The following SPG11 variants were observed in gnomAD, a reference collection of about 807,000 sequenced individuals.
SPG11 encodes spatacsin.
In SPG11, 222 loss-of-function variants were observed where a neutral mutation model predicts 274.0. The ratio of observed to expected loss-of-function variants is 0.81; its 90% CI spans 0.73 to 0.91. SPG11 has a LOEUF of 0.91. SPG11 is among the 40% of genes least tolerant of loss of function. SPG11 has a pLI of 0.00. For missense variants in SPG11, 3,114 were observed against 2,872.7 expected, an observed-to-expected ratio of 1.08 and a Z score of -1.92; for synonymous variants, 1,144 against 1,039.7, an observed-to-expected ratio of 1.10 and a Z score of -1.93.
At chr15:44,608,926 A>G (rs939755143) in intron 18 of SPG11, among the ~76,000 whole-genome samples, 10 of 152,134 alleles carry the variant, frequency 6.6e-5, no homozygotes, top group Admixed American at 4.6e-4. Flanking sequence ...TAATTCAATA[A>G]TATATATTTT....
chr15:44,593,979 A>G (rs1489851124), intron 26 of SPG11, among the ~76,000 whole-genome samples: 1 of 145,038 alleles, frequency 6.9e-6, no homozygotes, highest in Non-Finnish European at 1.5e-5. Flanking sequence ...CATGTTGGCC[A>G]GGCTCATCAC....
intron 7 of SPG11, among the ~76,000 whole-genome samples, chr15:44,637,031 T>C (rs796627177): frequency 6.6e-6 from 1 of 151,660 alleles, no homozygotes; most frequent in Non-Finnish European, 1.5e-5. Flanking sequence ...ATGTTCATTT[T>C]ACTAATTTTT....
chr15:44,612,313 T>C (rs1221587675), intron 17 of SPG11, among the ~76,000 whole-genome samples: 1 of 152,216 alleles, frequency 6.6e-6, no homozygotes, highest in Non-Finnish European at 1.5e-5. Flanking sequence ...TGAAGATAAC[T>C]GGAACAAAAT....
chr15:44,655,876 G>A (rs566005736), intron 4 of SPG11, among the ~76,000 whole-genome samples: 1 of 152,060 alleles, frequency 6.6e-6, no homozygotes, highest in Non-Finnish European at 1.5e-5. Context: ...ACTAATAATA[G>A]GACAATTACA....
chr15:44,614,413 G>C (rs2083539785), intron 16 of SPG11, among the ~76,000 whole-genome samples: 1 of 152,058 alleles, frequency 6.6e-6, no homozygotes, highest in Non-Finnish European at 1.5e-5. Context: ...TTGTAAAGAA[G>C]AAGACCCACT....
chr15:44,663,624 C>A lies in SPG11; in HGVS notation c.24G>T (p.Ala8=), dbSNP rs976109814. Residue 8 remains alanine (A), a synonymous_variant, in exon 1 of 40, where the codon GCG becomes GCT. Coordinates refer to ENST00000261866, the MANE Select transcript of SPG11 (RefSeq NM_025137.4). Reference sequence around the variant, plus strand: ...AGCTACCGCCGGCGGAAGCAGCACTCGCGACCCCTTCCTCTGCAGCCATCT... The same window carrying A: ...AGCTACCGCCGGCGGAAGCAGCACTAGCGACCCCTTCCTCTGCAGCCATCT... MAAEEGV[A]SAASAGGSWG... is the part of the protein sequence containing the mutation. 2.5e-6 allele frequency: 4 copies of A among 1,595,834 alleles called. No homozygotes were observed. The highest frequency in any genetic ancestry group is 2.6e-6 in the Non-Finnish European group (3 of 1,176,246).
intron 23 of SPG11, 39 bp downstream of exon 23, chr15:44,598,226 A>C: frequency 6.6e-7 from 1 of 1,506,272 alleles, no homozygotes; most frequent in Non-Finnish European, 9.2e-7. Flanking sequence ...TGGCACAATA[A>C]GCTTGTTAGA....
At position 44,606,102 on chromosome 15, in the gene SPG11, G is replaced by A. The variant is rs781452077; in HGVS notation, c.3454-11C>T. 4.3e-6 allele frequency: 7 copies of A among 1,612,820 alleles called. No individual in the cohort carries two copies. Among genetic ancestry groups the A allele is most frequent in the Non-Finnish European group, 5.9e-6 (7 of 1,179,256 alleles). On this transcript the variant is annotated splice_polypyrimidine_tract_variant and intron_variant, in intron 19 of 39. Transcript: ENST00000261866. The stretch of plus-strand genomic sequence containing the variant: ...AAAGGGTGATAATGACTGAAAAAGG[G>A]GAAAAGTTAAACAGAATTAGAAGTT...
At chr15:44,585,404 G>A (rs2082736158) in intron 29 of SPG11, among the ~76,000 whole-genome samples, 1 of 134,062 alleles carries the variant, frequency 7.5e-6, no homozygotes. Context: ...GGCTAACACA[G>A]TGAAACCCCA....
chr15:44,585,580 T>C, intron 29 of SPG11, 56 bp downstream of exon 29: 1 of 1,445,318 alleles, frequency 6.9e-7, no homozygotes, highest in Non-Finnish European at 9.5e-7. Flanking sequence ...CCAGCCTGGG[T>C]GACAGAGCAA....
intron 8 of SPG11, among the ~76,000 whole-genome samples, chr15:44,630,867 T>C (rs2084041798): frequency 1.3e-5 from 2 of 152,268 alleles, no homozygotes; most frequent in Admixed American, 6.5e-5. Flanking sequence ...CGTGAGACAC[T>C]GCACCCAGTC....
At chr15:44,575,087 G>C in intron 30 of SPG11, 46 bp from the exon 31 acceptor site, 1 of 1,610,898 alleles carries the variant, frequency 6.2e-7, no homozygotes, top group Non-Finnish European at 8.5e-7. Flanking sequence ...GGGAGGTTCT[G>C]GCCTCTCCCT....
In SPG11 at chr15:44,626,116, G is replaced by T. The variant is rs149620992; in HGVS notation, c.2244+215C>A. ...TGGTATTGAATTCCTGGCCTTAAGC[G>T]ATCTTCTTGCCTCAACCTCCCAAAG... On this transcript the variant is annotated intron_variant, in intron 11 of 39. Transcript: ENST00000261866. Among the ~76,000 whole-genome samples the T allele has an allele frequency of 4.1e-3, 630 of 151,914 alleles. 4 individuals carry two copies. The highest frequency in any genetic ancestry group is 0.015 in the African/African-American group (601 of 41,400).
chr15:44,566,362 A>AT, intron 36 of SPG11, 57 bp from the exon 37 acceptor site: 1 of 1,520,014 alleles, frequency 6.6e-7, no homozygotes, highest in Non-Finnish European at 9.1e-7. Flanking sequence ...CACTGTTCTC[A>AT]TCCCACTCAT....
intron 15 of SPG11, among the ~76,000 whole-genome samples, chr15:44,618,446 G>A (rs1337615814): frequency 6.8e-6 from 1 of 146,114 alleles, no homozygotes; most frequent in Non-Finnish European, 1.5e-5. Context: ...AGACCTGGGA[G>A]GCGGAGCTTG....
At chr15:44,572,537 G>T (rs998091539) in intron 33 of SPG11, 146 bp downstream of exon 33, 2 of 769,724 alleles carry the variant, frequency 2.6e-6, no homozygotes, top group South Asian at 3.1e-5. Flanking sequence ...TGAAGTTAAG[G>T]CTTTCTACCA....
chr15:44,651,793 G>A lies in SPG11; in HGVS notation c.1154C>T (p.Ala385Val), dbSNP rs774790569. Reference sequence around the variant, plus strand: ...ATGCATTATGTCCTGTGGAATGAAGGCCCAGCTCTGCACACTTGTACTGTG... The same window carrying A: ...ATGCATTATGTCCTGTGGAATGAAGACCCAGCTCTGCACACTTGTACTGTG... ...GNHSTSVQSW[A>V]FIPQDIMHGQ... The change falls in exon 6 of 40, where the codon GCC becomes GTC. Residue 385 changes from alanine to valine, a missense_variant. Coordinates refer to ENST00000261866, the MANE Select transcript of SPG11 (RefSeq NM_025137.4). 3 of 1,614,070 alleles carry A rather than the reference G, an allele frequency of 1.9e-6. No individual in the cohort carries two copies. Among genetic ancestry groups the A allele is most frequent in the East Asian group, 2.2e-5 (1 of 44,876 alleles).
At chr15:44,610,616 G>C (rs1222943769) in intron 18 of SPG11, among the ~76,000 whole-genome samples, 1 of 152,090 alleles carries the variant, frequency 6.6e-6, no homozygotes, top group African/African-American at 2.4e-5. Context: ...GACCTCAAGT[G>C]ATCCGCCTGC....
At chr15:44,567,790 G>T (rs1428534706) in intron 35 of SPG11, among the ~76,000 whole-genome samples, 198 bp from the exon 36 acceptor site, 1 of 152,272 alleles carries the variant, frequency 6.6e-6, no homozygotes, top group Middle Eastern at 3.4e-3. Context: ...AGTGTGAAAG[G>T]CAAAACTTTT....
Sources: allele counts gnomAD v4.1 joint callset (sites outside exome capture counted in the v4.1 genomes callset), GRCh38; gene constraint gnomAD v4.1.1; transcripts MANE v1.5; gene names NCBI Gene and HGNC (gene_info 2026-07-23, HGNC 2026-07-21).